The following PARD3B variants were observed in gnomAD, a reference collection of about 807,000 sequenced individuals.
PARD3B encodes par-3 family cell polarity regulator beta.
A neutral mutation model predicts 130.2 loss-of-function variants in PARD3B; 103 were observed. That is an observed-to-expected ratio of 0.79 (90% CI 0.67 to 0.93). The LOEUF (loss-of-function observed/expected upper bound fraction) is 0.93. Among genes scored for constraint, PARD3B ranks in the 40% least tolerant of loss-of-function variants. The pLI, the probability that PARD3B is intolerant of heterozygous loss-of-function variation, is 0.00. For synonymous variants in PARD3B, 583 were observed against 553.2 expected, an observed-to-expected ratio of 1.05 and a Z score of -0.76; for missense variants, 1,609 against 1,499.2, an observed-to-expected ratio of 1.07 and a Z score of -1.21.
intron 2 of PARD3B, among the ~76,000 whole-genome samples, chr2:204,913,003 T>G (rs2047300688): frequency 1.3e-5 from 2 of 152,228 alleles, no homozygotes; most frequent in Admixed American, 1.3e-4. Flanking sequence ...TAATTTAGCC[T>G]ACAGATAAAA....
At chr2:204,736,879 A>C (rs1056115012) in intron 2 of PARD3B, among the ~76,000 whole-genome samples, 34 of 152,160 alleles carry the variant, frequency 2.2e-4, no homozygotes, top group African/African-American at 8.0e-4. Context: ...GGTTGTACTA[A>C]TTTACATTCC....
intron 1 of PARD3B, among the ~76,000 whole-genome samples, chr2:204,597,938 A>T (rs554842667): frequency 3.5e-4 from 53 of 152,332 alleles, no homozygotes; most frequent in Middle Eastern, 6.8e-3. Context: ...CCAGTGTTTA[A>T]TGATTATGGT....
At position 205,352,146 on chromosome 2, in the gene PARD3B, A is replaced by C. The variant is rs1311990996; in HGVS notation, c.2631-48867A>C. 6.6e-6 allele frequency among the ~76,000 whole-genome samples: 1 copy of C among 152,170 alleles called. No homozygotes were observed. The highest frequency in any genetic ancestry group is 1.9e-4 in the East Asian group (1 of 5,196). Reference sequence around the variant, plus strand: ...AAAGACGGTATTTGTCATTGAGCTTAGTGCTTTTTGTAGGGTCGGCATATT... The same window carrying C: ...AAAGACGGTATTTGTCATTGAGCTTCGTGCTTTTTGTAGGGTCGGCATATT... On this transcript the variant is annotated intron_variant, in intron 18 of 22. Coordinates refer to ENST00000406610, the MANE Select transcript of PARD3B (RefSeq NM_001302769.2). The surrounding 1 kb of genome is among the most constrained non-coding windows in gnomAD (Gnocchi z 5.2).
At position 205,103,080 on chromosome 2, in the gene PARD3B, A is replaced by G. The variant is rs973185900; in HGVS notation, c.505-1346A>G. Among the ~76,000 whole-genome samples the G allele has an allele frequency of 1.1e-4, 14 of 126,474 alleles. 2 individuals carry two copies. Among genetic ancestry groups the G allele is most frequent in the Non-Finnish European group, 2.0e-4 (11 of 55,812 alleles). 83.0% of individuals were successfully genotyped at this position (126,474 alleles called of 152,430 possible). ...TCAAAAAAAATAAAAATAAAAATAT[A>G]TATTTTTTTATTTTTTTATTTTTAT... On this transcript the variant is annotated intron_variant, in intron 4 of 22. Coordinates refer to ENST00000406610, the MANE Select transcript of PARD3B (RefSeq NM_001302769.2).
At chr2:205,555,099 G>A (rs535701168) in intron 22 of PARD3B, among the ~76,000 whole-genome samples, 10 of 152,224 alleles carry the variant, frequency 6.6e-5, no homozygotes, top group Non-Finnish European at 7.3e-5. Context: ...TGTGGTTAAG[G>A]CAGATGGAAA....
chr2:205,547,102 G>A (rs2052412643), intron 21 of PARD3B, among the ~76,000 whole-genome samples: 1 of 152,102 alleles, frequency 6.6e-6, no homozygotes, highest in Non-Finnish European at 1.5e-5. Context: ...CCCTGAGGGA[G>A]AGGACTTTTT....
intron 3 of PARD3B, among the ~76,000 whole-genome samples, chr2:204,970,164 A>G (rs1691577164): frequency 6.6e-6 from 1 of 152,190 alleles, no homozygotes; most frequent in African/African-American, 2.4e-5. Flanking sequence ...CTTCATGATT[A>G]GTACCTGACC....
intron 22 of PARD3B, among the ~76,000 whole-genome samples, chr2:205,605,241 G>A (rs2054940655): frequency 6.6e-6 from 1 of 152,274 alleles, no homozygotes. Flanking sequence ...GCCCAGTTCT[G>A]TGCTCTTGCT....
intron 2 of PARD3B, among the ~76,000 whole-genome samples, chr2:204,838,349 ATGTGTGTGTGTGTGTG>A (rs55688873): frequency 7.3e-4 from 99 of 135,428 alleles, no homozygotes; most frequent in African/African-American, 2.5e-3. Flanking sequence ...TACCTGGCTA[ATGTGTGTGTGTGTGTG>A]TGTGTGTGTG....
chr2:204,749,454 A>G (rs116523252), intron 2 of PARD3B, among the ~76,000 whole-genome samples: 2,629 of 152,320 alleles, frequency 0.017, 32 homozygotes, highest in Middle Eastern at 0.071. Flanking sequence ...TCAAGTTCAT[A>G]GAGAATATGA....
At chr2:205,039,754 G>T (rs556777175) in intron 3 of PARD3B, among the ~76,000 whole-genome samples, 1 of 152,222 alleles carries the variant, frequency 6.6e-6, no homozygotes, top group Admixed American at 6.5e-5. Flanking sequence ...ACTGGCGTGA[G>T]CCACCACACT....
At chr2:204,822,313 G>A (rs1208879248) in intron 2 of PARD3B, among the ~76,000 whole-genome samples, 2 of 152,222 alleles carry the variant, frequency 1.3e-5, no homozygotes, top group African/African-American at 4.8e-5. Flanking sequence ...TGAAACTATA[G>A]TGGATGAGGA....
chr2:204,970,111 G>A (rs527417471), intron 3 of PARD3B, among the ~76,000 whole-genome samples: 1 of 152,120 alleles, frequency 6.6e-6, no homozygotes, highest in Non-Finnish European at 1.5e-5. Flanking sequence ...GTTTAGGAGG[G>A]TGGGAGTCTC....
chr2:205,248,064 G>A (rs1225080483), intron 16 of PARD3B, among the ~76,000 whole-genome samples: 1 of 152,030 alleles, frequency 6.6e-6, no homozygotes, highest in Non-Finnish European at 1.5e-5. Context: ...GGATAGCTGG[G>A]ACTACATGTG....
chr2:204,721,104 A>C (rs1481229765), intron 2 of PARD3B, among the ~76,000 whole-genome samples: 1 of 152,186 alleles, frequency 6.6e-6, no homozygotes, highest in Non-Finnish European at 1.5e-5. Flanking sequence ...CAGGGTGGGG[A>C]AAGGTAGTCT....
rs756518334 is a variant in PARD3B, at chr2:205,185,711, A to G, written c.1925-53A>G. On this transcript the variant is annotated intron_variant, in intron 13 of 22. Transcript: ENST00000406610. ...GAGAGATACTGAAACCAAACCAGGC[A>G]TCGAATGGTTCTGCTTCCACTTTAT... is the stretch of plus-strand genomic sequence containing the variant. The G allele has an allele frequency of 1.3e-4, 198 of 1,481,028 alleles. 2 individuals carry two copies. The highest frequency in any genetic ancestry group is 4.2e-4 in the Admixed American group (25 of 59,634). The allele number at this position is 1,481,028 out of a possible 1,614,324, so 91.7% of individuals were successfully genotyped here.
intron 2 of PARD3B, among the ~76,000 whole-genome samples, chr2:204,845,241 GC>G (rs2044412776): frequency 6.6e-6 from 1 of 152,072 alleles, no homozygotes; most frequent in African/African-American, 2.4e-5. Context: ...TGATATTCTT[GC>G]TGACTTGAAG....
intron 3 of PARD3B, among the ~76,000 whole-genome samples, chr2:205,023,550 T>A (rs1395599431): frequency 9.5e-5 from 5 of 52,778 alleles, no homozygotes; most frequent in Non-Finnish European, 1.5e-4. Context: ...CCCCGCCAAA[T>A]CCCCCTGTTT....
At chr2:204,728,298 A>G (rs1050395509) in intron 2 of PARD3B, among the ~76,000 whole-genome samples, 3 of 152,172 alleles carry the variant, frequency 2.0e-5, no homozygotes, top group African/African-American at 7.2e-5. Context: ...TTACTACCAT[A>G]GTGAACAATG....
Sources: gnomAD v4.1 joint callset for allele counts (sites outside exome capture counted in the v4.1 genomes callset) on GRCh38, gnomAD v4.1.1 for gene constraint, Gnocchi (gnomAD v3.1) non-coding constraint, MANE v1.5 for transcripts, NCBI Gene and HGNC (gene_info 2026-07-23, HGNC 2026-07-21) for gene names.